YAP1: variants seen among roughly 807,000 people sequenced by gnomAD.
YAP1 encodes the protein Yes1 associated transcriptional regulator, also known as transcriptional coactivator YAP1.
A neutral mutation model predicts 56.9 loss-of-function variants in YAP1; 5 were observed. That is an observed-to-expected ratio of 0.09 (90% CI 0.05 to 0.18). The LOEUF (loss-of-function observed/expected upper bound fraction) is 0.18. YAP1 is among the 10% of genes least tolerant of loss of function. The pLI is 1.00. For missense variants in YAP1, 539 were observed against 651.8 expected (o/e 0.83, Z 1.88); for synonymous variants, 265 against 248.1 (o/e 1.07, Z -0.64).
chr11:102,186,061 A>T lies in YAP1; in HGVS notation c.732A>T (p.Gly244=). The T allele has an allele frequency of 6.2e-7, 1 of 1,611,736 alleles. No homozygotes were observed. The highest frequency in any genetic ancestry group is 8.5e-7 in the Non-Finnish European group (1 of 1,179,204). ...DGWEQAMTQD[G]EIYYINHKNK... The stretch of plus-strand genomic sequence containing the variant: ...GGGAACAAGCCATGACTCAGGATGG[A>T]GAAATTTACTATATAAACCATAAGA... Residue 244 remains glycine, a synonymous_variant, in exon 4 of 9, where the codon GGA becomes GGT. Coordinates refer to ENST00000282441, the MANE Select transcript of YAP1 (RefSeq NM_001130145.3).
chr11:102,224,466 A>T (rs950800347), intron 7 of YAP1, among the ~76,000 whole-genome samples: 1 of 152,216 alleles, frequency 6.6e-6, no homozygotes, highest in Non-Finnish European at 1.5e-5. Context: ...CAAACTTTTT[A>T]AAATATGGGA....
chr11:102,155,853 G>A (rs1363776803), intron 2 of YAP1, among the ~76,000 whole-genome samples: 1 of 152,196 alleles, frequency 6.6e-6, no homozygotes, highest in African/African-American at 2.4e-5. Context: ...GTATGAGCCA[G>A]CCGACTGAAC....
chr11:102,122,176 T>C (rs1943695493), intron 2 of YAP1, among the ~76,000 whole-genome samples: 2 of 152,116 alleles, frequency 1.3e-5, no homozygotes, highest in Admixed American at 1.3e-4. Flanking sequence ...TCCTAGCCTT[T>C]TGGGAGGCTA....
chr11:102,110,573 G>A lies in YAP1; in HGVS notation c.-276G>A, dbSNP rs1277947671. 5 of 210,846 alleles carry A rather than the reference G, an allele frequency of 2.4e-5. No homozygotes were observed. Among genetic ancestry groups the A allele is most frequent in the Non-Finnish European group, 4.7e-5 (5 of 107,516 alleles). 13.1% of individuals were successfully genotyped at this position (210,846 alleles called of 1,614,324 possible). A position where few individuals can be genotyped will look rare whatever the true frequency, so the allele number is the denominator to read the frequency against. ...TCCGGCCTCCGTCAAGGGAGTTGGA[G>A]GGAAAAAGTTCTCAGGCGCCGCAGG... On this transcript the variant is annotated 5_prime_UTR_variant, in exon 1 of 9. Transcript: ENST00000282441.
chr11:102,198,875 T>C (rs1346191007), intron 4 of YAP1, among the ~76,000 whole-genome samples: 1 of 152,116 alleles, frequency 6.6e-6, no homozygotes, highest in Non-Finnish European at 1.5e-5. Context: ...TCCTCTTATA[T>C]CGTTGGCTCA....
At chr11:102,125,566 A>G (rs1281975682) in intron 2 of YAP1, among the ~76,000 whole-genome samples, 1 of 150,680 alleles carries the variant, frequency 6.6e-6, no homozygotes, top group African/African-American at 2.4e-5. Flanking sequence ...TTTAGTAGAG[A>G]TGGGGATTCA....
chr11:102,184,243 T>G (rs1000946699), intron 3 of YAP1, among the ~76,000 whole-genome samples: 3 of 152,220 alleles, frequency 2.0e-5, no homozygotes, highest in Admixed American at 6.5e-5. Flanking sequence ...TTGCAAAAGC[T>G]TTTTATAATT....
At position 102,156,289 on chromosome 11, in the gene YAP1, A is replaced by G. The variant is rs544286742; in HGVS notation, c.573-6167A>G. 1.3e-4 allele frequency among the ~76,000 whole-genome samples: 20 copies of G among 152,324 alleles called. No individual in the cohort carries two copies. In the South Asian group the frequency reaches 3.7e-3, roughly 28 times the overall value. ...TTTGGGTAAATAAATGTCTTACTGT[A>G]TGTAAAGATCTGAGATTATGAAAGA... On this transcript the variant is annotated intron_variant, in intron 2 of 8. Coordinates refer to ENST00000282441, the MANE Select transcript of YAP1 (RefSeq NM_001130145.3).
At chr11:102,112,425 CT>C (rs751339753) in intron 1 of YAP1, 108,673 of 789,264 alleles carry the variant, frequency 0.14, 16 homozygotes, top group Non-Finnish European at 0.15. Flanking sequence ...ATTTCTTCTT[CT>C]TTTTTTTTTT....
intron 5 of YAP1, 103 bp downstream of exon 5, chr11:102,206,177 T>A: frequency 7.2e-7 from 1 of 1,395,130 alleles, no homozygotes; most frequent in Non-Finnish European, 9.7e-7. Flanking sequence ...AGGAATGTTG[T>A]CTTTGTAAAA....
rs1271167765 is a variant in YAP1 at position 102,110,658 on chromosome 11, AGGGCGGGGGCGGAGGCGCCG to A, written c.-181_-162del. ...CGCCAGACCAGTGGAGCCGGGGCGC[AGGGCGGGGGCGGAGGCGCCG>A]GGGCGGGGGATGCGGGGCCGCGGCG... On this transcript the variant is annotated 5_prime_UTR_variant, in exon 1 of 9. Transcript: ENST00000282441. The A allele has an allele frequency of 4.0e-5, 13 of 324,176 alleles. No individual in the cohort carries two copies. Among genetic ancestry groups the A allele is most frequent in the African/African-American group, 2.5e-4 (11 of 44,276 alleles). 20.1% of individuals were successfully genotyped at this position (324,176 alleles called of 1,614,324 possible). A position where few individuals can be genotyped will look rare whatever the true frequency, so the allele number is the denominator to read the frequency against.
intron 2 of YAP1, among the ~76,000 whole-genome samples, chr11:102,146,981 G>C (rs893710104): frequency 6.6e-6 from 1 of 152,190 alleles, no homozygotes; most frequent in Non-Finnish European, 1.5e-5. Context: ...TTAGCATTTA[G>C]AGAGTCTTTA....
intron 2 of YAP1, among the ~76,000 whole-genome samples, chr11:102,157,263 A>G (rs1946010130): frequency 6.6e-6 from 1 of 152,198 alleles, no homozygotes; most frequent in African/African-American, 2.4e-5. Context: ...GAAATAGTCC[A>G]CCATGGACAT....
chr11:102,215,473 C>T (rs1164616399), intron 6 of YAP1, among the ~76,000 whole-genome samples: 1 of 152,090 alleles, frequency 6.6e-6, no homozygotes. Context: ...ATCATTAATT[C>T]TTATGTTATT....
At chr11:102,115,182 C>A (rs1943202530) in intron 2 of YAP1, among the ~76,000 whole-genome samples, 2 of 151,912 alleles carry the variant, frequency 1.3e-5, no homozygotes, top group Admixed American at 1.3e-4. Context: ...CAGATAAGAC[C>A]TCAATTTTTT....
intron 3 of YAP1, among the ~76,000 whole-genome samples, chr11:102,174,814 G>A (rs76498209): frequency 4.2e-4 from 64 of 152,262 alleles, no homozygotes; most frequent in African/African-American, 1.4e-3. Context: ...AATGATTGGG[G>A]TACAGGGAGG....
intron 7 of YAP1, among the ~76,000 whole-genome samples, chr11:102,226,292 T>C (rs1350887528): frequency 2.6e-5 from 4 of 152,100 alleles, no homozygotes; most frequent in Non-Finnish European, 5.9e-5. Context: ...GGCAGAAGCA[T>C]TAGAGTAAAC....
chr11:102,219,320 G>T (rs191496800), intron 6 of YAP1, among the ~76,000 whole-genome samples: 44 of 152,248 alleles, frequency 2.9e-4, no homozygotes, highest in Admixed American at 7.2e-4. Flanking sequence ...GCCTTAGGGG[G>T]TACAGCAAAA....
chr11:102,184,914 A>G (rs139785771), intron 3 of YAP1, among the ~76,000 whole-genome samples: 5 of 152,350 alleles, frequency 3.3e-5, no homozygotes, highest in African/African-American at 1.2e-4. Flanking sequence ...AGACTGATCA[A>G]CCTGGCACTT....
Sources: gnomAD v4.1 joint callset for allele counts (sites outside exome capture counted in the v4.1 genomes callset) on GRCh38, gnomAD v4.1.1 for gene constraint, MANE v1.5 for transcripts, NCBI Gene and HGNC (gene_info 2026-07-23, HGNC 2026-07-21) for gene names.